Variants in HOTAIR observed in about 807,000 individuals in gnomAD.
HOTAIR encodes HOX transcript antisense RNA (non-protein coding).
chr12:53,964,282 T>C (rs949614562), exon 6 of HOTAIR: 1 of 152,144 alleles, frequency 6.6e-6, no homozygotes, highest in Non-Finnish European at 1.5e-5. Flanking sequence ...CCAATGTGCA[T>C]ACTTAACGGA....
chr12:53,967,680 C>T (rs1186214237), intron 2 of HOTAIR, among the ~76,000 whole-genome samples: 3 of 152,186 alleles, frequency 2.0e-5, no homozygotes, highest in Non-Finnish European at 2.9e-5. Flanking sequence ...TGGGGAGGCC[C>T]TTTCTTATGT....
In HOTAIR at chr12:53,973,886, C is replaced by T; in HGVS notation, n.59+1012G>A. The stretch of plus-strand genomic sequence containing the variant: ...ATCCCAGCTCGTCCGGTTCAGCCCA[C>T]TCCGTGGCCAAGGAGCCGGCCAAAG... On this transcript the variant is annotated intron_variant and non_coding_transcript_variant, in intron 1 of 6. Transcript: ENST00000424518. The surrounding 1 kb of genome is among the most constrained non-coding windows in gnomAD (Gnocchi z 4.3). 1 of 1,451,524 alleles carries T rather than the reference C, an allele frequency of 6.9e-7. No individual in the cohort carries two copies. Among genetic ancestry groups the T allele is most frequent in the Non-Finnish European group, 9.1e-7 (1 of 1,101,352 alleles). The allele number at this position is 1,451,524 out of a possible 1,614,324, so 89.9% of individuals were successfully genotyped here.
At chr12:53,972,386 G>GAAGGTTT (rs1195076703) in intron 1 of HOTAIR, among the ~76,000 whole-genome samples, 1 of 152,230 alleles carries the variant, frequency 6.6e-6, no homozygotes, top group Non-Finnish European at 1.5e-5. Flanking sequence ...CAACATTAGA[G>GAAGGTTT]AAGGTTTTTC....
intron 3 of HOTAIR, chr12:53,966,724 G>C (rs1165092367): frequency 6.6e-6 from 1 of 152,328 alleles, no homozygotes; most frequent in African/African-American, 2.4e-5. Context: ...GAGGCCTGGC[G>C]TGCGGAGAAA....
intron 5 of HOTAIR, among the ~76,000 whole-genome samples, chr12:53,965,069 T>C (rs934732440): frequency 1.3e-5 from 2 of 152,190 alleles, no homozygotes; most frequent in African/African-American, 4.8e-5. Context: ...GAGGCAGCAA[T>C]AGACAAGGTG....
Position 53,973,158 on chromosome 12 carries a change from C to A in HOTAIR, n.59+1740G>T. Reference sequence around the variant, plus strand: ...GAGAGAGAGAGACTAAGACGGATAACGCGTCATCTCGCCTTCCCAAATTTT... The same window carrying A: ...GAGAGAGAGAGACTAAGACGGATAAAGCGTCATCTCGCCTTCCCAAATTTT... On this transcript the variant is annotated intron_variant and non_coding_transcript_variant, in intron 1 of 6. Coordinates refer to ENST00000424518, the Ensembl canonical transcript of HOTAIR. This position sits in a 1 kb window ranked among gnomAD's most constrained non-coding sequence, Gnocchi z 4.3. The A allele has an allele frequency of 1.0e-6, 1 of 988,560 alleles. No homozygotes were observed. Among genetic ancestry groups the A allele is most frequent in the Non-Finnish European group, 1.5e-6 (1 of 673,234 alleles). 61.2% of individuals were successfully genotyped at this position (988,560 alleles called of 1,614,324 possible).
chr12:53,973,786 A>C lies in HOTAIR; in HGVS notation n.59+1112T>G. ...AAGGGCGAGGCCAAGGGGGAGCCCG[A>C]GGCACCCCCGGCCTCGGGACTGGCG... On this transcript the variant is annotated intron_variant and non_coding_transcript_variant, in intron 1 of 6. Coordinates refer to ENST00000424518, the Ensembl canonical transcript of HOTAIR. This position sits in a 1 kb window ranked among gnomAD's most constrained non-coding sequence, Gnocchi z 4.3. The C allele has an allele frequency of 6.2e-7, 1 of 1,602,978 alleles. No homozygotes were observed. The highest frequency in any genetic ancestry group is 8.5e-7 in the Non-Finnish European group (1 of 1,175,286).
At position 53,973,870 on chromosome 12, in the gene HOTAIR, C is replaced by T. The variant is rs896847297; in HGVS notation, n.59+1028G>A. 4.8e-6 allele frequency: 7 copies of T among 1,468,092 alleles called. No homozygotes were observed. In the African/African-American group the frequency reaches 7.2e-5, roughly 15 times the overall value. The allele number at this position is 1,468,092 out of a possible 1,614,324, so 90.9% of individuals were successfully genotyped here. A position where few individuals can be genotyped will look rare whatever the true frequency, so the allele number is the denominator to read the frequency against. The stretch of plus-strand genomic sequence containing the variant: ...GAGGAGGAGAACACAAATCCCAGCT[C>T]GTCCGGTTCAGCCCACTCCGTGGCC... On this transcript the variant is annotated intron_variant and non_coding_transcript_variant, in intron 1 of 6. Coordinates refer to ENST00000424518, the Ensembl canonical transcript of HOTAIR. The surrounding 1 kb of genome is among the most constrained non-coding windows in gnomAD (Gnocchi z 4.3).
intron 5 of HOTAIR, among the ~76,000 whole-genome samples, chr12:53,965,757 TGAAAAG>T (rs1939040442): frequency 7.7e-6 from 1 of 129,500 alleles, no homozygotes; most frequent in Non-Finnish European, 1.7e-5. Context: ...AGGAAGGAAA[TGAAAAG>T]GAAAAGACAG....
intron 1 of HOTAIR, among the ~76,000 whole-genome samples, chr12:53,974,650 G>A (rs1592196601): frequency 1.3e-5 from 2 of 151,742 alleles, no homozygotes; most frequent in South Asian, 4.2e-4. Flanking sequence ...GGAAGGCGCT[G>A]CCCCGCGGGC....
At chr12:53,971,999 G>A (rs1416474754) in intron 1 of HOTAIR, among the ~76,000 whole-genome samples, 2 of 152,184 alleles carry the variant, frequency 1.3e-5, no homozygotes, top group African/African-American at 4.8e-5. Context: ...AGTGGCCGCT[G>A]GGCCTCCCCT....
intron 1 of HOTAIR, among the ~76,000 whole-genome samples, chr12:53,972,430 C>T (rs1424272603): frequency 2.6e-5 from 4 of 152,228 alleles, no homozygotes; most frequent in African/African-American, 7.2e-5. Flanking sequence ...GGGCGGCTGG[C>T]GCACTGCTCA....
At chr12:53,966,023 GCATTTCTGGT>G (rs1257025536) in exon 5 of HOTAIR, 1 of 152,200 alleles carries the variant, frequency 6.6e-6, no homozygotes, top group Non-Finnish European at 1.5e-5. Flanking sequence ...CGCGGCCGTG[GCATTTCTGGT>G]CTTGTAAACA....
chr12:53,966,248 T>TC (rs2136371294), intron 4 of HOTAIR: 1 of 149,400 alleles, frequency 6.7e-6, no homozygotes, highest in East Asian at 2.0e-4. Flanking sequence ...CCCGCCTCTC[T>TC]TTTTCTCTAT....
intron 1 of HOTAIR, among the ~76,000 whole-genome samples, chr12:53,974,391 A>T (rs1939210692): frequency 6.6e-6 from 1 of 151,354 alleles, no homozygotes; most frequent in Non-Finnish European, 1.5e-5. Context: ...GAGGTGGGGG[A>T]GAGGAGCAAT....
chr12:53,971,536 C>G (rs940423647), intron 1 of HOTAIR, among the ~76,000 whole-genome samples: 1 of 152,198 alleles, frequency 6.6e-6, no homozygotes, highest in African/African-American at 2.4e-5. Flanking sequence ...CAAGACAAAT[C>G]CATTCTAATT....
At chr12:53,970,901 A>G (rs1939137454) in intron 1 of HOTAIR, among the ~76,000 whole-genome samples, 1 of 152,154 alleles carries the variant, frequency 6.6e-6, no homozygotes, top group Non-Finnish European at 1.5e-5. Flanking sequence ...AGGAGGGGGA[A>G]GGAAGCAGAG....
chr12:53,968,551 C>T (rs746038038), intron 2 of HOTAIR: 3 of 152,310 alleles, frequency 2.0e-5, no homozygotes, highest in Non-Finnish European at 4.4e-5. Context: ...ATGGGGGAGA[C>T]TTGTAAATCC....
intron 1 of HOTAIR, chr12:53,974,793 T>G: frequency 5.9e-6 from 1 of 169,140 alleles, no homozygotes; most frequent in Non-Finnish European, 1.2e-5. Context: ...CCCCCCAGAT[T>G]TCTGGGGGAG....
Sources: allele counts gnomAD v4.1 joint callset (sites outside exome capture counted in the v4.1 genomes callset), GRCh38; gene constraint gnomAD v4.1.1; non-coding constraint Gnocchi (gnomAD v3.1); transcripts MANE v1.5; gene names NCBI Gene and HGNC (gene_info 2026-07-23, HGNC 2026-07-21).